The following LYRM4 variants were observed in gnomAD, a reference collection of about 807,000 sequenced individuals.
LYRM4 encodes the protein LYR motif containing 4.
A neutral mutation model predicts 11.7 loss-of-function variants in LYRM4; 9 were observed. The ratio of observed to expected loss-of-function variants is 0.77; its 90% CI spans 0.46 to 1.34. LYRM4 has a LOEUF of 1.34. Ranked by LOEUF, LYRM4 falls within the 40% of genes most tolerant of loss-of-function variation. The pLI is 0.00. For missense variants in LYRM4, 133 were observed against 112.5 expected, an observed-to-expected ratio of 1.18 and a Z score of -0.82; for synonymous variants, 42 against 40.4, an observed-to-expected ratio of 1.04 and a Z score of -0.15.
intron 2 of LYRM4, among the ~76,000 whole-genome samples, chr6:5,191,104 A>C (rs1028659107): frequency 2.0e-5 from 3 of 152,220 alleles, no homozygotes; most frequent in Non-Finnish European, 2.9e-5. Flanking sequence ...AATAGAAAAA[A>C]AAATTAGGGA....
At position 5,250,151 on chromosome 6, in the gene LYRM4, T is replaced by C. The variant is rs1445224984; in HGVS notation, c.86+10497A>G. Among the ~76,000 whole-genome samples the C allele has an allele frequency of 4.6e-5, 7 of 152,256 alleles. No individual in the cohort carries two copies. The East Asian group carries it at 1.3e-3, about 29-fold the overall frequency. ...TATATTCTCTATCTTTATTTTCTCA[T>C]TGCTTTGACTCCCTCATTATTTTTT... On this transcript the variant is annotated intron_variant, in intron 1 of 2. Transcript: ENST00000330636.
At chr6:5,096,932 G>A in the LYRM4 span, among the ~76,000 whole-genome samples, 2 of 109,600 alleles carry the variant, frequency 1.8e-5, no homozygotes, top group South Asian at 2.8e-4. Flanking sequence ...GTAGCCCTGA[G>A]TGTGCTAACC....
intron 2 of LYRM4, among the ~76,000 whole-genome samples, chr6:5,160,545 AC>A (rs1225892697): frequency 3.3e-5 from 5 of 152,062 alleles, no homozygotes; most frequent in Non-Finnish European, 7.4e-5. Flanking sequence ...AGGACTGAGC[AC>A]CACCAAGGCT....
Position 5,260,471 on chromosome 6 carries a change from C to G in LYRM4, c.86+177G>C, listed in dbSNP as rs541550858. Among the ~76,000 whole-genome samples, 29 of 152,382 alleles carry G rather than the reference C, an allele frequency of 1.9e-4. No individual in the cohort carries two copies. The East Asian group carries it at 5.0e-3, about 26-fold the overall frequency. ...AAAGAAAGGCTCCTCCCCGAGGTCT[C>G]AGAGGCCACACCTGTAGGCAGGAGC... On this transcript the variant is annotated intron_variant, in intron 1 of 2. Transcript: ENST00000330636.
At chr6:5,135,829 TG>T (rs1757064076) in intron 2 of LYRM4, among the ~76,000 whole-genome samples, 1 of 152,208 alleles carries the variant, frequency 6.6e-6, no homozygotes, top group Non-Finnish European at 1.5e-5. Context: ...TTCACATTGT[TG>T]TACAACCATC....
the LYRM4 span, chr6:5,086,465 T>C: frequency 6.5e-7 from 1 of 1,537,116 alleles, no homozygotes; most frequent in South Asian, 1.2e-5. Context: ...GCGGTCCACT[T>C]CGCTGTCTGC....
the LYRM4 span, among the ~76,000 whole-genome samples, chr6:5,055,701 G>A: frequency 6.6e-6 from 1 of 152,182 alleles, no homozygotes; most frequent in Non-Finnish European, 1.5e-5. The surrounding 1 kb of genome is among the most constrained non-coding windows in gnomAD (Gnocchi z 4.5). Context: ...CAGGTCCAGA[G>A]ATAGTTTCTA....
chr6:5,250,642 G>C (rs902915480), intron 1 of LYRM4, among the ~76,000 whole-genome samples: 5 of 152,178 alleles, frequency 3.3e-5, no homozygotes, highest in African/African-American at 1.2e-4. Flanking sequence ...GAGCATTGTT[G>C]AAGAGGTCAG....
chr6:5,192,887 T>C (rs911338737), intron 2 of LYRM4, among the ~76,000 whole-genome samples: 3 of 151,998 alleles, frequency 2.0e-5, no homozygotes, highest in African/African-American at 7.3e-5. Context: ...TTAGCCAGGC[T>C]TGGTGGTGCA....
At chr6:5,244,286 T>C (rs1764041483) in intron 1 of LYRM4, among the ~76,000 whole-genome samples, 1 of 152,234 alleles carries the variant, frequency 6.6e-6, no homozygotes, top group Non-Finnish European at 1.5e-5. Context: ...TAAAATTGGC[T>C]AGCTAAGCCA....
In LYRM4 at chr6:5,187,904, ACACT is replaced by A. The variant is rs758882593; in HGVS notation, c.207+28710_207+28713del. Reference sequence around the variant, plus strand: ...GTGTTAAACCAACAAAAAAGGGTACACACTCACACAATCTCTCTAAATGCACGGG... The same window carrying A: ...GTGTTAAACCAACAAAAAAGGGTACACACACAATCTCTCTAAATGCACGGG... On this transcript the variant is annotated intron_variant, in intron 2 of 2. Transcript: ENST00000330636. Among the ~76,000 whole-genome samples, 34 of 152,338 alleles carry A rather than the reference ACACT, an allele frequency of 2.2e-4. 1 individual carries two copies. The highest frequency in any genetic ancestry group is 4.1e-4 in the South Asian group (2 of 4,834).
the LYRM4 span, chr6:5,085,798 C>A: frequency 4.6e-6 from 7 of 1,528,010 alleles, no homozygotes; most frequent in Non-Finnish European, 6.1e-6. Flanking sequence ...GCAGCAGCAA[C>A]AGGCGGTGGC....
chr6:5,178,633 G>A (rs1207498241), intron 2 of LYRM4, among the ~76,000 whole-genome samples: 1 of 150,920 alleles, frequency 6.6e-6, no homozygotes, highest in East Asian at 1.9e-4. Flanking sequence ...GACCAACATG[G>A]TGAAACCCTG....
At chr6:5,113,725 TTCTC>T (rs1263227803) in intron 2 of LYRM4, among the ~76,000 whole-genome samples, 1 of 89,222 alleles carries the variant, frequency 1.1e-5, no homozygotes, top group Non-Finnish European at 2.2e-5. Context: ...TTCCTTTCTT[TTCTC>T]TCTCTCTTTT....
intron 1 of LYRM4, among the ~76,000 whole-genome samples, chr6:5,238,795 C>A (rs2753219): frequency 0.025 from 3,827 of 152,240 alleles, 145 homozygotes; most frequent in African/African-American, 0.078. Context: ...TACTAGGATA[C>A]CTGAATTTTA....
intron 2 of LYRM4, among the ~76,000 whole-genome samples, chr6:5,127,602 A>C (rs1301833890): frequency 6.6e-6 from 1 of 152,200 alleles, no homozygotes; most frequent in Non-Finnish European, 1.5e-5. Context: ...CTGGGTTTCA[A>C]AGACTTAGTA....
intron 2 of LYRM4, among the ~76,000 whole-genome samples, chr6:5,172,607 C>T (rs1046047169): frequency 6.6e-6 from 1 of 152,144 alleles, no homozygotes; most frequent in African/African-American, 2.4e-5. Flanking sequence ...GAGGACCACA[C>T]AAATGACTGC....
the LYRM4 span, among the ~76,000 whole-genome samples, chr6:5,075,040 C>G: frequency 6.6e-6 from 1 of 152,044 alleles, no homozygotes. Flanking sequence ...GCACCTCCCC[C>G]CACCCTTGCT....
intron 2 of LYRM4, among the ~76,000 whole-genome samples, chr6:5,149,114 G>T (rs1757946700): frequency 6.6e-6 from 1 of 152,160 alleles, no homozygotes; most frequent in South Asian, 2.1e-4. Flanking sequence ...TCTGTTGCAG[G>T]TACAGTTCTG....
Sources: allele counts gnomAD v4.1 joint callset (sites outside exome capture counted in the v4.1 genomes callset), GRCh38; gene constraint gnomAD v4.1.1; non-coding constraint Gnocchi (gnomAD v3.1); transcripts MANE v1.5; gene names NCBI Gene and HGNC (gene_info 2026-07-23, HGNC 2026-07-21).